Variants in ZNF280D observed in about 807,000 individuals in gnomAD.
The protein encoded by ZNF280D is zinc finger protein 280D.
A neutral mutation model predicts 94.7 loss-of-function variants in ZNF280D; 39 were observed. The observed-to-expected ratio is 0.41, with a 90% CI of 0.32 to 0.54. ZNF280D has a LOEUF of 0.54. Among genes scored for constraint, ZNF280D ranks in the 20% least tolerant of loss-of-function variants. ZNF280D has a pLI of 0.22. For missense variants in ZNF280D, 1,090 were observed against 1,149.3 expected (o/e 0.95, Z 0.75); for synonymous variants, 398 against 377.6 (o/e 1.05, Z -0.63).
chr15:56,726,641 AT>A (rs373149587), intron 1 of ZNF280D, among the ~76,000 whole-genome samples: 20 of 152,354 alleles, frequency 1.3e-4, no homozygotes, highest in South Asian at 8.3e-4. Context: ...TGCTAAAAAA[AT>A]AATAGGACTG....
intron 4 of ZNF280D, among the ~76,000 whole-genome samples, chr15:56,703,768 C>G (rs1449245889): frequency 1.3e-5 from 2 of 152,010 alleles, no homozygotes; most frequent in African/African-American, 4.8e-5. Context: ...GTGGGAGGAT[C>G]GCTTGAGCCA....
At chr15:56,720,262 G>A (rs1351992295) in intron 1 of ZNF280D, among the ~76,000 whole-genome samples, 1 of 152,040 alleles carries the variant, frequency 6.6e-6, no homozygotes, top group African/African-American at 2.4e-5. Flanking sequence ...TCTTCACCAG[G>A]AATAGGTTCC....
At chr15:56,655,960 G>C (rs1271285588) in intron 17 of ZNF280D, among the ~76,000 whole-genome samples, 2 of 152,076 alleles carry the variant, frequency 1.3e-5, no homozygotes, top group Admixed American at 1.3e-4. Flanking sequence ...TTAGTCTATT[G>C]AACTAGAATG....
rs2054700778 is a variant in ZNF280D, at chr15:56,669,967, TATA to T, written c.1411-1013_1411-1011del. On this transcript the variant is annotated intron_variant, in intron 13 of 21. Transcript: ENST00000267807. ...ATATATATTATATATATATATTATATATATATAATATATATATTATATATATAT... is the reference window on the plus strand; with the variant it reads ...ATATATATTATATATATATATTATATTATAATATATATATTATATATATAT... 4.7e-4 allele frequency among the ~76,000 whole-genome samples: 2 copies of T among 4,228 alleles called. 1 individual carries two copies. The highest frequency in any genetic ancestry group is 8.1e-4 in the Non-Finnish European group (2 of 2,468). 2.8% of individuals were successfully genotyped at this position (4,228 alleles called of 152,430 possible).
At chr15:56,675,524 T>C (rs1338513749) in intron 13 of ZNF280D, among the ~76,000 whole-genome samples, 2 of 151,962 alleles carry the variant, frequency 1.3e-5, no homozygotes, top group African/African-American at 2.4e-5. Flanking sequence ...TTTATAAGTA[T>C]ACTACATTGT....
chr15:56,664,453 T>G (rs1364228850), intron 16 of ZNF280D, among the ~76,000 whole-genome samples: 7 of 152,050 alleles, frequency 4.6e-5, no homozygotes, highest in Admixed American at 1.3e-4. Context: ...CATGGTGAAC[T>G]GGGGGAGAAA....
chr15:56,631,890 C>G lies in ZNF280D; in HGVS notation c.2548G>C (p.Glu850Gln). 6.2e-7 allele frequency: 1 copy of G among 1,613,740 alleles called. No homozygotes were observed. Among genetic ancestry groups the G allele is most frequent in the South Asian group, 1.1e-5 (1 of 91,082 alleles). Residue 850 changes from glutamate (E) to glutamine (Q), a missense_variant, in exon 22 of 22, where the codon GAG (glutamate) becomes CAG (glutamine). Glu to Gln is a conservative substitution (Grantham distance 29). Around this residue, in one of 3 missense-constraint regions of ZNF280D, gnomAD observed 577 missense variants for 568.8 expected, o/e 1.01. Transcript: ENST00000267807. The stretch of plus-strand genomic sequence containing the variant: ...TCTGAACTTTGGCACATCTTCAACT[C>G]CATTTCCTGACAAACGTGTTGTATT... ...KQIQHVCQEM[E>Q]LKMCQSSENI...
At chr15:56,732,032 G>T (rs1259520228) in intron 1 of ZNF280D, among the ~76,000 whole-genome samples, 1 of 152,028 alleles carries the variant, frequency 6.6e-6, no homozygotes, top group African/African-American at 2.4e-5. Context: ...TCAACGAAAG[G>T]GCAACTGAGT....
At chr15:56,695,978 A>G (rs1040804745) in intron 6 of ZNF280D, among the ~76,000 whole-genome samples, 134 of 152,336 alleles carry the variant, frequency 8.8e-4, no homozygotes, top group Non-Finnish European at 2.9e-4. Context: ...GAGAAACATA[A>G]AAGTTTTATT....
At chr15:56,682,538 C>T (rs1357913667) in intron 9 of ZNF280D, 61 bp from the exon 10 acceptor site, 11 of 1,087,684 alleles carry the variant, frequency 1.0e-5, no homozygotes, top group Admixed American at 6.6e-5. Context: ...AAACCACATA[C>T]CAAAAAGTGA....
In ZNF280D at chr15:56,686,421, G is replaced by A. The variant is rs1232161108; in HGVS notation, c.780+2620C>T. On this transcript the variant is annotated intron_variant, in intron 9 of 21. Coordinates refer to ENST00000267807, the MANE Select transcript of ZNF280D (RefSeq NM_017661.4). ...CCCAAAGTGCTGGGATTACAGGTGTGAGCCATGACTCCCGGCCTCATAATA... is the reference window on the plus strand; with the variant it reads ...CCCAAAGTGCTGGGATTACAGGTGTAAGCCATGACTCCCGGCCTCATAATA... Among the ~76,000 whole-genome samples, 3 of 152,246 alleles carry A rather than the reference G, an allele frequency of 2.0e-5. No individual in the cohort carries two copies. In the East Asian group the frequency reaches 5.8e-4, roughly 29 times the overall value.
intron 3 of ZNF280D, 28 bp downstream of exon 3, chr15:56,707,054 T>A (rs1277320999): frequency 6.2e-7 from 1 of 1,609,130 alleles, no homozygotes; most frequent in Non-Finnish European, 8.5e-7. Context: ...CCACATATAT[T>A]AGTATTAGTT....
intron 10 of ZNF280D, among the ~76,000 whole-genome samples, chr15:56,681,159 T>C (rs1010422345): frequency 3.3e-5 from 5 of 152,206 alleles, no homozygotes; most frequent in African/African-American, 4.8e-5. Flanking sequence ...ATAACTGTTA[T>C]AGGTGTATAT....
At chr15:56,690,388 A>G (rs1185195109) in intron 7 of ZNF280D, among the ~76,000 whole-genome samples, 1 of 152,214 alleles carries the variant, frequency 6.6e-6, no homozygotes, top group African/African-American at 2.4e-5. Context: ...TCTCAAAAAA[A>G]ATAAAAAAAC....
chr15:56,708,956 T>C (rs2057587974), intron 1 of ZNF280D, among the ~76,000 whole-genome samples: 1 of 152,078 alleles, frequency 6.6e-6, no homozygotes, highest in South Asian at 2.1e-4. Flanking sequence ...GGGCAAGGAC[T>C]TCATGTCTAA....
rs376195111 is a variant in ZNF280D at position 56,698,591 on chromosome 15, T to G, written c.381+2342A>C. On this transcript the variant is annotated intron_variant, in intron 6 of 21. Coordinates refer to ENST00000267807, the MANE Select transcript of ZNF280D (RefSeq NM_017661.4). Reference sequence around the variant, plus strand: ...TAATCCCCAGGTCCTGGTATTCAGGTCCTGTGTAATTCCCTCCCATTGAGT... The same window carrying G: ...TAATCCCCAGGTCCTGGTATTCAGGGCCTGTGTAATTCCCTCCCATTGAGT... 3 of 152,146 alleles carry G rather than the reference T, an allele frequency of 2.0e-5. No homozygotes were observed. The East Asian group carries it at 5.8e-4, about 29-fold the overall frequency. 9.4% of individuals were successfully genotyped at this position (152,146 alleles called of 1,614,324 possible).
chr15:56,722,057 T>C (rs2058396451), intron 1 of ZNF280D, among the ~76,000 whole-genome samples: 1 of 152,186 alleles, frequency 6.6e-6, no homozygotes, highest in South Asian at 2.1e-4. Flanking sequence ...AATTTCAATA[T>C]TGCTATGTCT....
intron 20 of ZNF280D, among the ~76,000 whole-genome samples, chr15:56,637,795 C>A (rs554546790): frequency 6.6e-6 from 1 of 151,712 alleles, no homozygotes; most frequent in African/African-American, 2.4e-5. Context: ...TCATTGTATT[C>A]TTCACCACCA....
At chr15:56,720,609 C>A (rs187114844) in intron 1 of ZNF280D, among the ~76,000 whole-genome samples, 126 of 152,274 alleles carry the variant, frequency 8.3e-4, no homozygotes, top group African/African-American at 3.0e-3. Flanking sequence ...TCATAATCTA[C>A]AGCAGTTACA....
Sources: allele counts gnomAD v4.1 joint callset (sites outside exome capture counted in the v4.1 genomes callset), GRCh38; gene constraint gnomAD v4.1.1; regional missense constraint gnomAD v4.1.1; transcripts MANE v1.5; gene names NCBI Gene and HGNC (gene_info 2026-07-23, HGNC 2026-07-21).